Variants in CNTN5 observed in about 807,000 individuals in gnomAD.
CNTN5 encodes contactin 5.
A neutral mutation model predicts 129.1 loss-of-function variants in CNTN5; 77 were observed. That is an observed-to-expected ratio of 0.60 (90% CI 0.50 to 0.72). The LOEUF is 0.72. Among genes scored for constraint, CNTN5 ranks in the 30% least tolerant of loss-of-function variants. CNTN5 has a pLI of 0.00. For missense variants in CNTN5, 1,478 were observed against 1,328.8 expected (o/e 1.11, Z -1.75); for synonymous variants, 509 against 465.6 (o/e 1.09, Z -1.20).
chr11:100,028,735 T>A (rs116577881), intron 9 of CNTN5, among the ~76,000 whole-genome samples: 1,729 of 152,316 alleles, frequency 0.011, 34 homozygotes, highest in African/African-American at 0.039. Flanking sequence ...CAATATATAT[T>A]GTCATGTGCC....
At chr11:99,075,764 G>T (rs115741680) in intron 1 of CNTN5, among the ~76,000 whole-genome samples, 1,733 of 152,254 alleles carry the variant, frequency 0.011, 36 homozygotes, top group African/African-American at 0.039. Flanking sequence ...TATGATGATA[G>T]TAGTATTGGT....
intron 3 of CNTN5, among the ~76,000 whole-genome samples, chr11:99,815,692 G>C (rs776733613): frequency 6.6e-6 from 1 of 152,100 alleles, no homozygotes; most frequent in African/African-American, 2.4e-5. Context: ...ATACTGCTGT[G>C]TGCACACCCT....
At chr11:99,990,447 T>TACAC (rs774953191) in intron 8 of CNTN5, among the ~76,000 whole-genome samples, 1 of 76,952 alleles carries the variant, frequency 1.3e-5, no homozygotes, top group African/African-American at 4.5e-5. Flanking sequence ...TTTTAGAATA[T>TACAC]ATATATATAC....
intron 1 of CNTN5, among the ~76,000 whole-genome samples, chr11:99,124,113 T>C (rs1199480755): frequency 6.6e-6 from 1 of 152,100 alleles, no homozygotes; most frequent in Non-Finnish European, 1.5e-5. Context: ...TATAAATGGC[T>C]TTATGCAATA....
intron 2 of CNTN5, among the ~76,000 whole-genome samples, chr11:99,470,771 T>A (rs1945139822): frequency 6.6e-6 from 1 of 151,410 alleles, no homozygotes; most frequent in Non-Finnish European, 1.5e-5. Flanking sequence ...TGTGCCTAAA[T>A]TTTTAATTTA....
At chr11:100,256,064 T>A in intron 17 of CNTN5, 146 bp downstream of exon 17, 1 of 734,774 alleles carries the variant, frequency 1.4e-6, no homozygotes, top group Non-Finnish European at 2.1e-6. Context: ...TTGCTTCTTT[T>A]TATGAACCTG....
intron 1 of CNTN5, among the ~76,000 whole-genome samples, chr11:99,257,502 GA>G (rs1433325485): frequency 1.3e-5 from 2 of 151,912 alleles, no homozygotes; most frequent in African/African-American, 4.8e-5. Flanking sequence ...ACTTCATAGT[GA>G]TTGTTGCAGC....
At chr11:100,237,157 C>G (rs1237851225) in intron 16 of CNTN5, among the ~76,000 whole-genome samples, 1 of 147,998 alleles carries the variant, frequency 6.8e-6, no homozygotes, top group African/African-American at 2.5e-5. Context: ...GCACTGCACT[C>G]CAGCCTGGGC....
intron 1 of CNTN5, among the ~76,000 whole-genome samples, chr11:99,050,289 G>A (rs1034823207): frequency 2.0e-5 from 3 of 151,918 alleles, no homozygotes; most frequent in Admixed American, 2.0e-4. Context: ...AATTTGAAAG[G>A]CAAACTAAAG....
chr11:99,427,816 T>G (rs913093507), intron 2 of CNTN5, among the ~76,000 whole-genome samples: 86 of 149,692 alleles, frequency 5.7e-4, no homozygotes, highest in African/African-American at 2.0e-3. Context: ...ATAATTCTAT[T>G]AAGAACAAAT....
At chr11:100,090,663 T>C (rs527618542) in intron 13 of CNTN5, among the ~76,000 whole-genome samples, 24 of 151,308 alleles carry the variant, frequency 1.6e-4, no homozygotes, top group Non-Finnish European at 2.9e-4. Context: ...ATTCAGTGCC[T>C]GGTGAGAGCT....
intron 15 of CNTN5, among the ~76,000 whole-genome samples, chr11:100,215,505 G>A (rs2138600373): frequency 6.6e-6 from 1 of 152,248 alleles, no homozygotes; most frequent in African/African-American, 2.4e-5. Flanking sequence ...AGCAACTAAT[G>A]CAGTGTAAAA....
intron 3 of CNTN5, among the ~76,000 whole-genome samples, chr11:99,618,289 T>A (rs1950822150): frequency 6.6e-6 from 1 of 152,196 alleles, no homozygotes; most frequent in Non-Finnish European, 1.5e-5. Flanking sequence ...GGAAGTTGAA[T>A]AGTCTTCATG....
At chr11:99,252,138 A>G (rs1862139357) in intron 1 of CNTN5, among the ~76,000 whole-genome samples, 1 of 151,832 alleles carries the variant, frequency 6.6e-6, no homozygotes. Context: ...GTTACCTTGC[A>G]CTTATTCTTC....
intron 1 of CNTN5, among the ~76,000 whole-genome samples, chr11:99,202,297 C>T (rs12360599): frequency 0.23 from 34,445 of 151,970 alleles, 3,953 homozygotes; most frequent in Middle Eastern, 0.26. Context: ...CATGGCATTA[C>T]AGAAAATGGA....
intron 1 of CNTN5, among the ~76,000 whole-genome samples, chr11:99,092,089 AG>A (rs973393925): frequency 2.0e-5 from 3 of 152,268 alleles, no homozygotes; most frequent in African/African-American, 7.2e-5. Context: ...TGAGAAAGAA[AG>A]AAAATGTGTT....
chr11:100,141,354 T>C (rs1331044655), intron 13 of CNTN5, among the ~76,000 whole-genome samples: 1 of 151,570 alleles, frequency 6.6e-6, no homozygotes, highest in Non-Finnish European at 1.5e-5. Flanking sequence ...TTGGAAACAG[T>C]GAGGGGTGGG....
intron 8 of CNTN5, among the ~76,000 whole-genome samples, chr11:99,958,732 A>G (rs1389338596): frequency 6.6e-6 from 1 of 152,126 alleles, no homozygotes; most frequent in Non-Finnish European, 1.5e-5. Context: ...TTTCTCCAAA[A>G]CTTCTGAGCC....
intron 3 of CNTN5, among the ~76,000 whole-genome samples, chr11:99,783,769 G>A (rs10082654): frequency 0.33 from 48,478 of 147,604 alleles, 8,259 homozygotes; most frequent in Middle Eastern, 0.41. Flanking sequence ...GAATTGAACA[G>A]TGAGATCACA....
Sources: allele counts gnomAD v4.1 joint callset (sites outside exome capture counted in the v4.1 genomes callset), GRCh38; gene constraint gnomAD v4.1.1; transcripts MANE v1.5; gene names NCBI Gene and HGNC (gene_info 2026-07-23, HGNC 2026-07-21).